The following CDC14B variants were observed in gnomAD, a reference collection of about 807,000 sequenced individuals.
CDC14B encodes the protein dual specificity protein phosphatase CDC14B.
A neutral mutation model predicts 64.2 loss-of-function variants in CDC14B; 22 were observed. That is an observed-to-expected ratio of 0.34 (90% CI 0.24 to 0.49). The LOEUF (loss-of-function observed/expected upper bound fraction) is 0.49, where lower values mean the gene tolerates loss of function less well. CDC14B is among the 20% of genes least tolerant of loss of function. The pLI is 0.99. For missense variants in CDC14B, 498 were observed against 629.9 expected (o/e 0.79, Z 2.24); for synonymous variants, 191 against 215.8 (o/e 0.89, Z 1.01).
At position 96,534,178 on chromosome 9, in the gene CDC14B, G is replaced by T. The variant is rs552097347; in HGVS notation, c.716-21C>A. 5 of 1,435,262 alleles carry T rather than the reference G, an allele frequency of 3.5e-6. No individual in the cohort carries two copies. The African/African-American group carries it at 4.2e-5, about 12-fold the overall frequency. The allele number at this position is 1,435,262 out of a possible 1,614,324, so 88.9% of individuals were successfully genotyped here. On this transcript the variant is annotated intron_variant, in intron 8 of 13. Coordinates refer to ENST00000375241, the MANE Select transcript of CDC14B (RefSeq NM_033331.4). Reference sequence around the variant, plus strand: ...GTAACCTACATAAAGAAATGCACCAGATCTTATAAAACACATAAAGAAAAC... The same window carrying T: ...GTAACCTACATAAAGAAATGCACCATATCTTATAAAACACATAAAGAAAAC...
intron 1 of CDC14B, among the ~76,000 whole-genome samples, chr9:96,574,236 T>C (rs529580530): frequency 1.1e-3 from 161 of 152,014 alleles, no homozygotes; most frequent in Non-Finnish European, 1.4e-3. Context: ...AGTGTACTAT[T>C]GGCACAGATA....
rs573651888 is a variant in CDC14B at position 96,599,697 on chromosome 9, G to A, written c.160+19522C>T. 1.0e-3 allele frequency among the ~76,000 whole-genome samples: 157 copies of A among 152,190 alleles called. 1 individual carries two copies. The highest frequency in any genetic ancestry group is 3.5e-3 in the African/African-American group (147 of 41,536). On this transcript the variant is annotated intron_variant, in intron 1 of 13. Transcript: ENST00000375241. Reference sequence around the variant, plus strand: ...GCAACATAAGATGCTTTCATTTCAGGAAACCGGGTGAGCTCTCTGTATTAT... The same window carrying A: ...GCAACATAAGATGCTTTCATTTCAGAAAACCGGGTGAGCTCTCTGTATTAT...
At chr9:96,505,392 A>G (rs1293426742) in intron 13 of CDC14B, among the ~76,000 whole-genome samples, 1 of 152,218 alleles carries the variant, frequency 6.6e-6, no homozygotes, top group Admixed American at 6.5e-5. Flanking sequence ...GAATGAAGTT[A>G]TCATTTTAAA....
At chr9:96,597,777 T>C (rs1199210796) in intron 1 of CDC14B, among the ~76,000 whole-genome samples, 2 of 152,168 alleles carry the variant, frequency 1.3e-5, no homozygotes. Flanking sequence ...AACTACTACA[T>C]GGAGAAATGT....
At chr9:96,597,367 G>A (rs940205370) in intron 1 of CDC14B, among the ~76,000 whole-genome samples, 8 of 151,892 alleles carry the variant, frequency 5.3e-5, no homozygotes, top group African/African-American at 7.3e-5. Context: ...GGTGGCATGC[G>A]CCTGTGATCC....
In CDC14B at chr9:96,565,419, G is replaced by A. The variant is rs759482250; in HGVS notation, c.225C>T (p.Ser75=). ...PKSASNVHYF[S]IDNELEYENF... is the part of the protein sequence containing the mutation. Reference sequence around the variant, plus strand: ...TCTCATATTCAAGTTCATTATCTATGCTGAAATAATGTACATTTGATGCAC... The same window carrying A: ...TCTCATATTCAAGTTCATTATCTATACTGAAATAATGTACATTTGATGCAC... The change falls in exon 2 of 14, where the codon AGC becomes AGT. Residue 75 remains serine (S), a synonymous_variant. Transcript: ENST00000375241. 21 of 1,606,454 alleles carry A rather than the reference G, an allele frequency of 1.3e-5. No homozygotes were observed. The highest frequency in any genetic ancestry group is 1.7e-5 in the Non-Finnish European group (20 of 1,173,432).
chr9:96,599,762 G>A (rs564663239), intron 1 of CDC14B, among the ~76,000 whole-genome samples: 5 of 150,886 alleles, frequency 3.3e-5, no homozygotes, highest in African/African-American at 1.2e-4. Flanking sequence ...TTTTTGAGAC[G>A]GATTCTCACT....
In CDC14B at chr9:96,541,886, A is replaced by C. The variant is rs1840111871; in HGVS notation, c.504T>G (p.Ala168=). 1 of 1,607,018 alleles carries C rather than the reference A, an allele frequency of 6.2e-7. No homozygotes were observed. Among genetic ancestry groups the C allele is most frequent in the Non-Finnish European group, 8.5e-7 (1 of 1,175,180 alleles). ...GETSYIPFRD[A]AYGSCNFYIT... ...TGTAGAAATTGCAACTTCCATAGGC[A>C]GCATCTCTGAAACCCAAGAGTAATA... Residue 168 remains alanine, a synonymous_variant, in exon 6 of 14, where the codon GCT becomes GCG. Coordinates refer to ENST00000375241, the MANE Select transcript of CDC14B (RefSeq NM_033331.4).
intron 12 of CDC14B, 125 bp downstream of exon 12, chr9:96,522,381 G>A (rs1836868934): frequency 1.4e-6 from 1 of 711,326 alleles, no homozygotes; most frequent in Non-Finnish European, 2.6e-6. Context: ...AATAACATAG[G>A]CAAGCATTTC....
At chr9:96,591,444 C>T (rs915450537) in intron 1 of CDC14B, among the ~76,000 whole-genome samples, 1 of 152,098 alleles carries the variant, frequency 6.6e-6, no homozygotes, top group African/African-American at 2.4e-5. Flanking sequence ...ATTGGTCTGT[C>T]CTCATGCCAG....
At chr9:96,560,652 C>T (rs1215793679) in intron 4 of CDC14B, among the ~76,000 whole-genome samples, 1 of 143,848 alleles carries the variant, frequency 7.0e-6, no homozygotes, top group Non-Finnish European at 1.5e-5. Flanking sequence ...GGTGCGATCT[C>T]GGCTCATTGT....
chr9:96,533,807 G>A, intron 9 of CDC14B, 120 bp downstream of exon 9: 1 of 575,408 alleles, frequency 1.7e-6, no homozygotes. Flanking sequence ...AGGTTTCACG[G>A]CACTCTAAAA....
At chr9:96,576,878 T>C (rs1844842640) in intron 1 of CDC14B, among the ~76,000 whole-genome samples, 1 of 152,296 alleles carries the variant, frequency 6.6e-6, no homozygotes, top group Non-Finnish European at 1.5e-5. Flanking sequence ...TGTCATGTGT[T>C]AGGTCACAAG....
At chr9:96,617,531 A>C (rs1373340649) in intron 1 of CDC14B, among the ~76,000 whole-genome samples, 1 of 152,182 alleles carries the variant, frequency 6.6e-6, no homozygotes, top group African/African-American at 2.4e-5. Context: ...AGCCAGTCTT[A>C]TATGCACCAA....
intron 12 of CDC14B, chr9:96,514,361 C>T: frequency 4.6e-6 from 4 of 871,562 alleles, no homozygotes; most frequent in Non-Finnish European, 5.5e-6. Flanking sequence ...ATGTGGCAAT[C>T]GTAGTTGACT....
chr9:96,494,927 C>A (rs1241190374), intron 13 of CDC14B, among the ~76,000 whole-genome samples: 2 of 151,256 alleles, frequency 1.3e-5, no homozygotes, highest in African/African-American at 2.4e-5. Flanking sequence ...CTCTGTCTCC[C>A]GGGTTCATGC....
chr9:96,597,279 A>G (rs1161743821), intron 1 of CDC14B, among the ~76,000 whole-genome samples: 2 of 152,138 alleles, frequency 1.3e-5, no homozygotes, highest in African/African-American at 2.4e-5. Context: ...GGATCACCTG[A>G]GGTCAGGAGT....
intron 4 of CDC14B, 145 bp from the exon 5 acceptor site, chr9:96,552,017 C>A: frequency 9.1e-7 from 1 of 1,093,806 alleles, no homozygotes; most frequent in Non-Finnish European, 1.3e-6. Context: ...ACCCAGAATC[C>A]TGTCCATAGA....
chr9:96,518,553 G>A (rs868529797), intron 12 of CDC14B, among the ~76,000 whole-genome samples: 2 of 152,020 alleles, frequency 1.3e-5, no homozygotes, highest in South Asian at 2.1e-4. Flanking sequence ...CCTATATTGT[G>A]GAAAGGGATT....
Sources: gnomAD v4.1 joint callset for allele counts (sites outside exome capture counted in the v4.1 genomes callset) on GRCh38, gnomAD v4.1.1 for gene constraint, MANE v1.5 for transcripts, NCBI Gene and HGNC (gene_info 2026-07-23, HGNC 2026-07-21) for gene names.